Variants in CADPS2 observed in about 807,000 individuals in gnomAD.
CADPS2 encodes calcium-dependent secretion activator 2.
In CADPS2, 93 loss-of-function variants were observed where a neutral mutation model predicts 172.5. The ratio of observed to expected loss-of-function variants is 0.54; its 90% CI spans 0.46 to 0.64. The LOEUF (loss-of-function observed/expected upper bound fraction) is 0.64. Among genes scored for constraint, CADPS2 ranks in the 30% least tolerant of loss-of-function variants. CADPS2 has a pLI of 0.00. For synonymous variants in CADPS2, 546 were observed against 555.2 expected, an observed-to-expected ratio of 0.98 and a Z score of 0.23; for missense variants, 1,420 against 1,565.9, an observed-to-expected ratio of 0.91 and a Z score of 1.57.
At chr7:122,477,060 G>GAGA (rs2056769733) in intron 12 of CADPS2, among the ~76,000 whole-genome samples, 1 of 141,530 alleles carries the variant, frequency 7.1e-6, no homozygotes, top group Non-Finnish European at 1.5e-5. Context: ...AGAAGAGAGA[G>GAGA]AGAGAGAGAG....
intron 19 of CADPS2, among the ~76,000 whole-genome samples, chr7:122,412,400 A>T (rs546769551): frequency 1.2e-4 from 18 of 152,344 alleles, no homozygotes; most frequent in South Asian, 4.1e-4. Flanking sequence ...AAAATAAATT[A>T]AAAAAATCAA....
intron 6 of CADPS2, among the ~76,000 whole-genome samples, chr7:122,600,526 G>C (rs959925310): frequency 6.6e-6 from 1 of 152,088 alleles, no homozygotes; most frequent in Non-Finnish European, 1.5e-5. Context: ...AACTTGCTCT[G>C]AGCCTTCTAG....
At chr7:122,829,641 TTTAACTTC>T (rs1805911038) in intron 1 of CADPS2, among the ~76,000 whole-genome samples, 1 of 152,214 alleles carries the variant, frequency 6.6e-6, no homozygotes, top group Admixed American at 6.5e-5. Flanking sequence ...CTACTTCACT[TTTAACTTC>T]CAGCCATCAG....
chr7:122,710,539 T>C (rs1004792777), intron 2 of CADPS2, among the ~76,000 whole-genome samples: 4 of 152,114 alleles, frequency 2.6e-5, no homozygotes, highest in Non-Finnish European at 5.9e-5. Flanking sequence ...AGGGCCTTGA[T>C]GAGTATTGGA....
At chr7:122,541,592 C>A (rs998173550) in intron 8 of CADPS2, among the ~76,000 whole-genome samples, 2 of 141,098 alleles carry the variant, frequency 1.4e-5, no homozygotes, top group African/African-American at 5.2e-5. Flanking sequence ...TTTATATATT[C>A]ATATATATTT....
chr7:122,414,717 TATC>T (rs1322161787), intron 18 of CADPS2, among the ~76,000 whole-genome samples: 14 of 152,196 alleles, frequency 9.2e-5, no homozygotes, highest in African/African-American at 2.9e-4. Context: ...TATAACCAGA[TATC>T]ATATTTATAA....
At chr7:122,405,329 C>T (rs937829416) in intron 20 of CADPS2, among the ~76,000 whole-genome samples, 5 of 152,160 alleles carry the variant, frequency 3.3e-5, no homozygotes, top group South Asian at 4.2e-4. Flanking sequence ...AGTCATTCCA[C>T]GTTGGCTAGC....
chr7:122,792,751 T>G (rs1795551776), intron 1 of CADPS2, among the ~76,000 whole-genome samples: 1 of 152,146 alleles, frequency 6.6e-6, no homozygotes. Flanking sequence ...CTGTTAAACA[T>G]GAATACAGTG....
intron 28 of CADPS2, among the ~76,000 whole-genome samples, chr7:122,344,765 G>A (rs753914714): frequency 3.9e-4 from 60 of 152,096 alleles, no homozygotes; most frequent in Non-Finnish European, 7.1e-4. Context: ...TGAACACCAT[G>A]GTAAAATTAT....
In CADPS2 at chr7:122,447,636, C is replaced by T. The variant is rs1464226152; in HGVS notation, c.2288+3738G>A. 2.0e-5 allele frequency among the ~76,000 whole-genome samples: 3 copies of T among 148,446 alleles called. No individual in the cohort carries two copies. In the Admixed American group the frequency reaches 2.1e-4, roughly 10 times the overall value. On this transcript the variant is annotated intron_variant, in intron 15 of 29. Coordinates refer to ENST00000449022, the MANE Select transcript of CADPS2 (RefSeq NM_017954.11). The stretch of plus-strand genomic sequence containing the variant: ...TCAGGCGATCTCGGCTCACTGCAGC[C>T]TCTGCCTCCTAGGTTCAAGCAATTT...
At chr7:122,599,373 T>C (rs900871714) in intron 6 of CADPS2, among the ~76,000 whole-genome samples, 5 of 152,000 alleles carry the variant, frequency 3.3e-5, no homozygotes, top group African/African-American at 1.2e-4. Context: ...GCAAGGATGA[T>C]GTGGTAAGAA....
intron 9 of CADPS2, among the ~76,000 whole-genome samples, chr7:122,497,429 T>G (rs191898898): frequency 6.6e-6 from 1 of 152,266 alleles, no homozygotes. Context: ...CCCTATTTCC[T>G]CAACAGTATA....
intron 19 of CADPS2, chr7:122,409,543 T>C: frequency 2.5e-6 from 1 of 396,182 alleles, no homozygotes; most frequent in Non-Finnish European, 5.6e-6. Flanking sequence ...TTTGCAGAAG[T>C]ATATATTTAT....
chr7:122,634,639 TGAA>T (rs1433598734), intron 3 of CADPS2, among the ~76,000 whole-genome samples: 5 of 152,210 alleles, frequency 3.3e-5, no homozygotes, highest in African/African-American at 1.2e-4. Flanking sequence ...ATTTTTTGTA[TGAA>T]CTTTTACATG....
At chr7:122,418,086 C>T (rs1245043651) in intron 17 of CADPS2, among the ~76,000 whole-genome samples, 1 of 151,698 alleles carries the variant, frequency 6.6e-6, no homozygotes, top group African/African-American at 2.4e-5. Context: ...AGGAGAATCG[C>T]TTGAACCTGG....
chr7:122,323,280 G>C (rs1462928876), intron 29 of CADPS2, among the ~76,000 whole-genome samples: 2 of 152,070 alleles, frequency 1.3e-5, no homozygotes, highest in Non-Finnish European at 2.9e-5. Flanking sequence ...AGACTTGCCT[G>C]TGAAAAGTAA....
chr7:122,489,752 C>A (rs1400446587), intron 11 of CADPS2, among the ~76,000 whole-genome samples: 1 of 151,886 alleles, frequency 6.6e-6, no homozygotes, highest in Admixed American at 6.6e-5. Flanking sequence ...ATACTTTTTC[C>A]ATATCTATAG....
chr7:122,830,050 A>G (rs1806070463), intron 1 of CADPS2, among the ~76,000 whole-genome samples: 1 of 151,714 alleles, frequency 6.6e-6, no homozygotes. Flanking sequence ...AGTAGGGACC[A>G]TTATCACTGT....
intron 1 of CADPS2, among the ~76,000 whole-genome samples, chr7:122,780,565 G>C (rs1373978294): frequency 6.6e-6 from 1 of 152,000 alleles, no homozygotes; most frequent in East Asian, 1.9e-4. Flanking sequence ...TGTTTGTTTG[G>C]AGACAGGGTC....
Sources: gnomAD v4.1 joint callset for allele counts (sites outside exome capture counted in the v4.1 genomes callset) on GRCh38, gnomAD v4.1.1 for gene constraint, MANE v1.5 for transcripts, NCBI Gene and HGNC (gene_info 2026-07-23, HGNC 2026-07-21) for gene names.